Variants in SEZ6L observed in about 807,000 individuals in gnomAD.
SEZ6L encodes the protein seizure 6-like protein.
In SEZ6L, 37 loss-of-function variants were observed where a neutral mutation model predicts 106.2. The ratio of observed to expected loss-of-function variants is 0.35; its 90% confidence interval spans 0.27 to 0.46. SEZ6L has a LOEUF of 0.46. SEZ6L is among the 20% of genes least tolerant of loss of function. The pLI, the probability that SEZ6L is intolerant of heterozygous loss-of-function variation, is 1.00. For synonymous variants in SEZ6L, 541 were observed against 570.4 expected, an observed-to-expected ratio of 0.95 and a Z score of 0.73; for missense variants, 1,172 against 1,332.8, an observed-to-expected ratio of 0.88 and a Z score of 1.88.
intron 12 of SEZ6L, among the ~76,000 whole-genome samples, chr22:26,358,233 G>A (rs2083501911): frequency 6.6e-6 from 1 of 152,172 alleles, no homozygotes; most frequent in African/African-American, 2.4e-5. Flanking sequence ...TAAAAGAAGG[G>A]CCTTTGTTAT....
chr22:26,325,192 C>T lies in SEZ6L; in HGVS notation c.2015+11290C>T, dbSNP rs141630289. ...CACACTAGGAAGTGGCACAGCCGCA[C>T]GTCTGCCATATCCTATGGCAAGCTA... On this transcript the variant is annotated intron_variant, in intron 9 of 16. Transcript: ENST00000248933. Among the ~76,000 whole-genome samples the T allele has an allele frequency of 5.7e-3, 862 of 152,314 alleles. 11 individuals carry two copies. The highest frequency in any genetic ancestry group is 0.02 in the African/African-American group (829 of 41,556).
chr22:26,194,135 G>GA (rs1428938296), intron 1 of SEZ6L, among the ~76,000 whole-genome samples: 1 of 152,156 alleles, frequency 6.6e-6, no homozygotes, highest in Non-Finnish European at 1.5e-5. Flanking sequence ...GCAAGCTCAG[G>GA]AAAGAGCAAG....
intron 1 of SEZ6L, among the ~76,000 whole-genome samples, chr22:26,237,988 G>A (rs1569408056): frequency 1.3e-5 from 2 of 152,158 alleles, no homozygotes; most frequent in South Asian, 2.1e-4. Context: ...CCACCATCAA[G>A]CCTGCAGCCC....
chr22:26,338,986 A>G (rs2082740117), intron 9 of SEZ6L, among the ~76,000 whole-genome samples: 1 of 149,712 alleles, frequency 6.7e-6, no homozygotes, highest in Non-Finnish European at 1.5e-5. Context: ...TTACAGGTGT[A>G]AGCCACTGCA....
Position 26,377,857 on chromosome 22 carries a change from T to C in SEZ6L, c.3045+82T>C. On this transcript the variant is annotated intron_variant, in intron 16 of 16. Transcript: ENST00000248933. Reference sequence around the variant, plus strand: ...CAACAATAAGACAAAACATTTCATTTCCTATTGCTCACAAGAGGCACAGCC... The same window carrying C: ...CAACAATAAGACAAAACATTTCATTCCCTATTGCTCACAAGAGGCACAGCC... 3 of 1,086,510 alleles carry C rather than the reference T, an allele frequency of 2.8e-6. No homozygotes were observed. In the South Asian group the frequency reaches 3.8e-5, roughly 14 times the overall value. 67.3% of individuals were successfully genotyped at this position (1,086,510 alleles called of 1,614,324 possible). A position where few individuals can be genotyped will look rare whatever the true frequency, so the allele number is the denominator to read the frequency against.
intron 10 of SEZ6L, among the ~76,000 whole-genome samples, chr22:26,345,035 A>G (rs1273890061): frequency 1.3e-5 from 2 of 152,192 alleles, no homozygotes; most frequent in African/African-American, 4.8e-5. Flanking sequence ...TGGTAAAAAA[A>G]TACATGTTCC....
chr22:26,339,965 T>C (rs543562724), intron 9 of SEZ6L, among the ~76,000 whole-genome samples: 1 of 152,294 alleles, frequency 6.6e-6, no homozygotes, highest in African/African-American at 2.4e-5. Flanking sequence ...CCGGGCACAG[T>C]GACTCACGCC....
intron 6 of SEZ6L, 57 bp downstream of exon 6, chr22:26,306,201 G>T: frequency 6.3e-7 from 1 of 1,577,762 alleles, no homozygotes; most frequent in South Asian, 1.1e-5. Flanking sequence ...TTAGAACATG[G>T]CTTGAGGACT....
Position 26,169,752 on chromosome 22 carries a change from C to T in SEZ6L, c.83C>T (p.Ala28Val). The change falls in exon 1 of 17, where the codon GCG becomes GTG. Residue 28 changes from alanine to valine, a missense_variant. Transcript: ENST00000248933. Reference sequence around the variant, plus strand: ...CTGCTCCTGGGGAGCCCGGCGGCAGCGCTGGAGCGAGGTAAGCGCCCCGAG... The same window carrying T: ...CTGCTCCTGGGGAGCCCGGCGGCAGTGCTGGAGCGAGGTAAGCGCCCCGAG... Reference protein sequence around the residue: ...LALLLGSPAAALERDALPEGD... With the variant: ...LALLLGSPAAVLERDALPEGD... The T allele has an allele frequency of 8.0e-7, 1 of 1,253,396 alleles. No homozygotes were observed. The highest frequency in any genetic ancestry group is 3.2e-5 in the South Asian group (1 of 31,508). 77.6% of individuals were successfully genotyped at this position (1,253,396 alleles called of 1,614,324 possible).
At chr22:26,282,727 GC>G (rs1456986323) in intron 1 of SEZ6L, among the ~76,000 whole-genome samples, 1 of 152,142 alleles carries the variant, frequency 6.6e-6, no homozygotes, top group African/African-American at 2.4e-5. Flanking sequence ...GTATCCAGCT[GC>G]CCCAGATTCC....
intron 1 of SEZ6L, among the ~76,000 whole-genome samples, chr22:26,178,099 C>A (rs1939141361): frequency 6.6e-6 from 1 of 152,176 alleles, no homozygotes. Context: ...TATCTGTTTT[C>A]AGTAAACCAC....
intron 12 of SEZ6L, among the ~76,000 whole-genome samples, chr22:26,354,174 C>G (rs1046590442): frequency 3.3e-5 from 5 of 152,184 alleles, no homozygotes; most frequent in East Asian, 3.8e-4. Flanking sequence ...GTATCTGTAA[C>G]TGTGGATTTG....
chr22:26,300,195 G>T (rs2081410728), intron 5 of SEZ6L, among the ~76,000 whole-genome samples: 1 of 152,028 alleles, frequency 6.6e-6, no homozygotes, highest in African/African-American at 2.4e-5. Flanking sequence ...GGGTACATGT[G>T]CACAACGTGC....
intron 1 of SEZ6L, among the ~76,000 whole-genome samples, chr22:26,276,717 T>A (rs1264583861): frequency 7.2e-5 from 11 of 152,330 alleles, no homozygotes; most frequent in Non-Finnish European, 1.6e-4. Context: ...TCCCCCTTGC[T>A]GGCTACCTGC....
intron 1 of SEZ6L, among the ~76,000 whole-genome samples, chr22:26,244,098 G>A (rs2079238378): frequency 6.6e-6 from 1 of 152,006 alleles, no homozygotes; most frequent in Admixed American, 6.6e-5. Flanking sequence ...GAGAGGTTGA[G>A]GCTGCAGTGA....
intron 1 of SEZ6L, among the ~76,000 whole-genome samples, chr22:26,290,102 T>A (rs2081061179): frequency 6.6e-6 from 1 of 152,184 alleles, no homozygotes; most frequent in South Asian, 2.1e-4. Flanking sequence ...ATAGCCCCAT[T>A]TGACAGCTGA....
At chr22:26,263,524 T>C (rs1055317893) in intron 1 of SEZ6L, among the ~76,000 whole-genome samples, 4 of 152,322 alleles carry the variant, frequency 2.6e-5, no homozygotes, top group Admixed American at 6.5e-5. Context: ...TCCACATTCT[T>C]TCCATCCTGC....
chr22:26,194,450 C>G (rs1383465492), intron 1 of SEZ6L, among the ~76,000 whole-genome samples: 2 of 152,090 alleles, frequency 1.3e-5, no homozygotes, highest in South Asian at 4.1e-4. Context: ...CTATCCTTAC[C>G]CCTGAATTCA....
intron 1 of SEZ6L, among the ~76,000 whole-genome samples, chr22:26,256,627 G>A (rs573667291): frequency 1.8e-4 from 28 of 152,314 alleles, no homozygotes; most frequent in Admixed American, 1.6e-3. Context: ...GGTGACTCTC[G>A]TGGACTTCCA....
Sources: allele counts gnomAD v4.1 joint callset (sites outside exome capture counted in the v4.1 genomes callset), GRCh38; gene constraint gnomAD v4.1.1; transcripts MANE v1.5; gene names NCBI Gene and HGNC (gene_info 2026-07-23, HGNC 2026-07-21).